ST6GALNAC5: variants seen among roughly 807,000 people sequenced by gnomAD.
The protein encoded by ST6GALNAC5 is ST6 N-acetylgalactosaminide alpha-2,6-sialyltransferase 5, also known as alpha-N-acetylgalactosaminide alpha-2,6-sialyltransferase 5.
In ST6GALNAC5, 27 loss-of-function variants were observed where a neutral mutation model predicts 33.6. The observed-to-expected ratio is 0.80, with a 90% confidence interval of 0.59 to 1.11. The LOEUF (loss-of-function observed/expected upper bound fraction) is 1.11, where lower values mean the gene tolerates loss of function less well. Among genes scored for constraint, ST6GALNAC5 ranks in the 50% least tolerant of loss-of-function variants. The pLI, the probability that ST6GALNAC5 is intolerant of heterozygous loss-of-function variation, is 0.00. For synonymous variants in ST6GALNAC5, 194 were observed against 171.2 expected (o/e 1.13, Z -1.04); for missense variants, 428 against 454.0 (o/e 0.94, Z 0.52).
At chr1:76,941,453 C>A (rs1647333163) in intron 2 of ST6GALNAC5, among the ~76,000 whole-genome samples, 1 of 152,098 alleles carries the variant, frequency 6.6e-6, no homozygotes, top group African/African-American at 2.4e-5. Context: ...TCCCTTGCTA[C>A]AGTGGGTGGC....
chr1:76,945,845 T>A (rs566063628), intron 2 of ST6GALNAC5, among the ~76,000 whole-genome samples: 1 of 152,296 alleles, frequency 6.6e-6, no homozygotes, highest in Non-Finnish European at 1.5e-5. Flanking sequence ...AAGAATAATT[T>A]TTCTTCTGAG....
At chr1:76,961,693 T>G (rs956686870) in intron 2 of ST6GALNAC5, among the ~76,000 whole-genome samples, 2 of 152,206 alleles carry the variant, frequency 1.3e-5, no homozygotes, top group South Asian at 4.1e-4. Context: ...TTTTCCTTAG[T>G]TAATGCTTGG....
intron 2 of ST6GALNAC5, among the ~76,000 whole-genome samples, chr1:76,966,980 G>A (rs956224200): frequency 1.3e-5 from 2 of 152,180 alleles, no homozygotes; most frequent in Non-Finnish European, 2.9e-5. Context: ...TTTTTGATGT[G>A]CTGCTGGATT....
At chr1:76,983,469 C>T (rs1649342957) in intron 2 of ST6GALNAC5, among the ~76,000 whole-genome samples, 2 of 152,118 alleles carry the variant, frequency 1.3e-5, no homozygotes, top group Admixed American at 6.5e-5. Flanking sequence ...GCTAACTATC[C>T]TAAATATATA....
intron 2 of ST6GALNAC5, among the ~76,000 whole-genome samples, chr1:76,976,584 T>G (rs1649022168): frequency 6.6e-6 from 1 of 152,210 alleles, no homozygotes; most frequent in Non-Finnish European, 1.5e-5. Context: ...ATAGAGATTG[T>G]AAAATTTGGC....
chr1:76,969,156 C>T (rs1029172207), intron 2 of ST6GALNAC5, among the ~76,000 whole-genome samples: 1 of 152,174 alleles, frequency 6.6e-6, no homozygotes, highest in African/African-American at 2.4e-5. Flanking sequence ...TGGTTCATCA[C>T]ACTGGGACTG....
chr1:76,979,021 T>G (rs1389488845), intron 2 of ST6GALNAC5, among the ~76,000 whole-genome samples: 1 of 152,064 alleles, frequency 6.6e-6, no homozygotes, highest in Non-Finnish European at 1.5e-5. Flanking sequence ...GCAATTTCAT[T>G]TGCAATAGCT....
chr1:77,029,528 G>T (rs1222667081), intron 2 of ST6GALNAC5, among the ~76,000 whole-genome samples: 2 of 152,114 alleles, frequency 1.3e-5, no homozygotes, highest in African/African-American at 4.8e-5. Flanking sequence ...AATGACCTCT[G>T]CTCCTGTTCC....
chr1:76,995,620 A>G (rs1266971787), intron 2 of ST6GALNAC5: 1 of 151,882 alleles, frequency 6.6e-6, no homozygotes, highest in Non-Finnish European at 1.5e-5. Flanking sequence ...AATAATGTGA[A>G]TTATTTGTGT....
intron 2 of ST6GALNAC5, among the ~76,000 whole-genome samples, chr1:76,996,364 CA>C (rs1434903954): frequency 2.0e-5 from 3 of 152,080 alleles, no homozygotes; most frequent in Non-Finnish European, 4.4e-5. Flanking sequence ...GCCAGACATG[CA>C]AAAAACTTCC....
At chr1:77,011,102 C>T (rs1396238058) in intron 2 of ST6GALNAC5, among the ~76,000 whole-genome samples, 1 of 118,380 alleles carries the variant, frequency 8.4e-6, no homozygotes, top group Non-Finnish European at 1.9e-5. Flanking sequence ...TAGATGACCC[C>T]TTGCTGGGAG....
intron 4 of ST6GALNAC5, among the ~76,000 whole-genome samples, chr1:77,060,379 G>C (rs1438708729): frequency 6.6e-6 from 1 of 152,126 alleles, no homozygotes; most frequent in Admixed American, 6.5e-5. Context: ...AAAAAAACTA[G>C]GGCAGTCTTT....
chr1:77,005,656 TA>T (rs1650381062), intron 2 of ST6GALNAC5, among the ~76,000 whole-genome samples: 1 of 152,214 alleles, frequency 6.6e-6, no homozygotes, highest in Non-Finnish European at 1.5e-5. Flanking sequence ...TGCAGAACTT[TA>T]TTCTCATCCC....
At chr1:77,009,315 T>C (rs1050756149) in intron 2 of ST6GALNAC5, among the ~76,000 whole-genome samples, 2 of 152,194 alleles carry the variant, frequency 1.3e-5, no homozygotes, top group South Asian at 4.1e-4. Flanking sequence ...TTTTGGTGGA[T>C]GGGAACAGGA....
In ST6GALNAC5 at chr1:77,058,112, C is replaced by G. The variant is rs137928140; in HGVS notation, c.780-4863C>G. Among the ~76,000 whole-genome samples the G allele has an allele frequency of 3.4e-3, 511 of 152,298 alleles. 4 individuals carry two copies. The highest frequency in any genetic ancestry group is 0.012 in the African/African-American group (494 of 41,562). On this transcript the variant is annotated intron_variant, in intron 4 of 4. Transcript: ENST00000477717. ...GGGTGCCATTAGTACAGAAACCCCACCTGGGGGAAAGGAGTTTTTCCAAGA... is the reference window on the plus strand; with the variant it reads ...GGGTGCCATTAGTACAGAAACCCCAGCTGGGGGAAAGGAGTTTTTCCAAGA...
chr1:76,981,091 A>G (rs1649231785), intron 2 of ST6GALNAC5, among the ~76,000 whole-genome samples: 1 of 152,186 alleles, frequency 6.6e-6, no homozygotes, highest in South Asian at 2.1e-4. Flanking sequence ...AAGACAGGTG[A>G]TTTCTGCATT....
chr1:76,951,515 T>C (rs1380076590), intron 2 of ST6GALNAC5, among the ~76,000 whole-genome samples: 1 of 152,060 alleles, frequency 6.6e-6, no homozygotes, highest in Non-Finnish European at 1.5e-5. Flanking sequence ...GGGATGGCAT[T>C]AGGAGAAATA....
At chr1:77,039,601 A>C (rs1021782792) in intron 2 of ST6GALNAC5, among the ~76,000 whole-genome samples, 4 of 152,210 alleles carry the variant, frequency 2.6e-5, no homozygotes, top group African/African-American at 9.7e-5. Flanking sequence ...GTTGGGTTTC[A>C]TTCACTCATT....
chr1:76,928,121 C>A (rs1335204095), intron 2 of ST6GALNAC5, among the ~76,000 whole-genome samples: 1 of 152,080 alleles, frequency 6.6e-6, no homozygotes, highest in Non-Finnish European at 1.5e-5. Context: ...CAACAGTTTG[C>A]ATTGTGGGAC....
Sources: allele counts gnomAD v4.1 joint callset (sites outside exome capture counted in the v4.1 genomes callset), GRCh38; gene constraint gnomAD v4.1.1; transcripts MANE v1.5; gene names NCBI Gene and HGNC (gene_info 2026-07-23, HGNC 2026-07-21).